LINGO3: variants seen among roughly 807,000 people sequenced by gnomAD.
The protein encoded by LINGO3 is leucine-rich repeat and immunoglobulin-like domain-containing nogo receptor-interacting protein 3.
For synonymous variants in LINGO3, 427 were observed against 444.2 expected (o/e 0.96, Z 0.49); for missense variants, 750 against 867.7 (o/e 0.86, Z 1.70).
chr19:2,290,954 G>A lies in LINGO3; in HGVS notation c.823C>T (p.Leu275Phe). ...CTGATGGGGTTGTGCGACAGATTGAGGCAGGTGAGGTGCGCCTGGTGCCGC... is the reference window on the plus strand; with the variant it reads ...CTGATGGGGTTGTGCGACAGATTGAAGCAGGTGAGGTGCGCCTGGTGCCGC... The change falls in exon 1 of 1, where the codon CTC becomes TTC. Residue 275 changes from leucine (L) to phenylalanine (F), a missense_variant. By Grantham distance (22) the Leu-to-Phe change is conservative. Coordinates refer to ENST00000585527, the Ensembl canonical transcript of LINGO3. The surrounding 1 kb of genome is among the most constrained non-coding windows in gnomAD (Gnocchi z 6.0). The A allele has an allele frequency of 6.2e-7, 1 of 1,611,892 alleles. No homozygotes were observed. The highest frequency in any genetic ancestry group is 8.5e-7 in the Non-Finnish European group (1 of 1,179,516).
chr19:2,298,920 G>A, the LINGO3 span, among the ~76,000 whole-genome samples: 1 of 152,164 alleles, frequency 6.6e-6, no homozygotes, highest in East Asian at 1.9e-4. Flanking sequence ...TGACAGGTCT[G>A]GAATCGCTAG....
At chr19:2,307,778 G>T in the LINGO3 span, among the ~76,000 whole-genome samples, 2 of 152,016 alleles carry the variant, frequency 1.3e-5, no homozygotes, top group African/African-American at 4.8e-5. Flanking sequence ...GGAGAGGAGC[G>T]CATCCTCCCA....
chr19:2,294,758 C>A (rs1386046384), upstream of LINGO3, among the ~76,000 whole-genome samples: 1 of 152,016 alleles, frequency 6.6e-6, no homozygotes, highest in Non-Finnish European at 1.5e-5. This position sits in a 1 kb window ranked among gnomAD's most constrained non-coding sequence, Gnocchi z 4.3. Flanking sequence ...GCCTGCTGCA[C>A]CCTTACCAGC....
chr19:2,307,978 C>T, the LINGO3 span, among the ~76,000 whole-genome samples: 3 of 151,590 alleles, frequency 2.0e-5, no homozygotes, highest in South Asian at 2.1e-4. Context: ...GATGGGGTCG[C>T]GGGTTGGGGG....
chr19:2,303,806 A>AGCATGGGGAGGCTGAACTGGACACCAGGT, the LINGO3 span, among the ~76,000 whole-genome samples: 9 of 152,168 alleles, frequency 5.9e-5, no homozygotes, highest in African/African-American at 2.2e-4. Flanking sequence ...CCAATGATGG[A>AGCATGGGGAGGCTGAACTGGACACCAGGT]GCATGGGGAG....
the LINGO3 span, among the ~76,000 whole-genome samples, chr19:2,299,042 T>C: frequency 6.6e-6 from 1 of 152,182 alleles, no homozygotes; most frequent in Non-Finnish European, 1.5e-5. Context: ...CCTGTCACGG[T>C]ATAGGTACAA....
chr19:2,306,403 A>C, the LINGO3 span, among the ~76,000 whole-genome samples: 2 of 152,156 alleles, frequency 1.3e-5, no homozygotes, highest in Admixed American at 1.3e-4. Flanking sequence ...AGAGTTCTTC[A>C]AGAGGCTCTA....
At chr19:2,293,079 T>TTC (rs933007215), upstream of LINGO3, among the ~76,000 whole-genome samples, 17 of 151,578 alleles carry the variant, frequency 1.1e-4, no homozygotes, top group African/African-American at 4.1e-4. Flanking sequence ...CTTTCTTTCT[T>TTC]TTTGAGACGG....
At chr19:2,300,011 CAT>C in the LINGO3 span, among the ~76,000 whole-genome samples, 2 of 145,272 alleles carry the variant, frequency 1.4e-5, no homozygotes, top group Admixed American at 7.0e-5. Context: ...GGGTGAACCA[CAT>C]GCCTGGCCTC....
the LINGO3 span, among the ~76,000 whole-genome samples, chr19:2,297,433 G>T: frequency 3.3e-5 from 5 of 150,646 alleles, no homozygotes; most frequent in Non-Finnish European, 4.4e-5. Flanking sequence ...GCCTCCCGAG[G>T]AGCTGGGACT....
chr19:2,298,777 G>GATCCGCCCACCTCGGC, the LINGO3 span, among the ~76,000 whole-genome samples: 1 of 152,072 alleles, frequency 6.6e-6, no homozygotes, highest in Non-Finnish European at 1.5e-5. Flanking sequence ...CTGACCTCGT[G>GATCCGCCCACCTCGGC]ATCCGCCCAC....
chr19:2,290,517 G>A lies in LINGO3; in HGVS notation c.1260C>T (p.Thr420=), dbSNP rs1336814965. 2.0e-6 allele frequency: 3 copies of A among 1,508,040 alleles called. No individual in the cohort carries two copies. The Admixed American group carries it at 6.2e-5, about 31-fold the overall frequency. The allele number at this position is 1,508,040 out of a possible 1,614,324, so 93.4% of individuals were successfully genotyped here. A position where few individuals can be genotyped will look rare whatever the true frequency, so the allele number is the denominator to read the frequency against. ...AGAGGAAGCGGACGTCTTCGCCCGC[G>A]GTGGCCGTGACGCGCTGCAGCCGCC... The change falls in exon 1 of 1, where the codon ACC becomes ACT. Residue 420 remains threonine, a synonymous_variant. Coordinates refer to ENST00000585527, the Ensembl canonical transcript of LINGO3. This position sits in a 1 kb window ranked among gnomAD's most constrained non-coding sequence, Gnocchi z 6.0.
chr19:2,287,936 T>C (rs1415329216), downstream of LINGO3, among the ~76,000 whole-genome samples: 3 of 152,138 alleles, frequency 2.0e-5, no homozygotes, highest in Non-Finnish European at 2.9e-5. The surrounding 1 kb of genome is among the most constrained non-coding windows in gnomAD (Gnocchi z 4.5). Context: ...GGCCCAACAG[T>C]GGTTCCTGTC....
chr19:2,303,503 G>T, the LINGO3 span, among the ~76,000 whole-genome samples: 1 of 152,076 alleles, frequency 6.6e-6, no homozygotes, highest in East Asian at 1.9e-4. Flanking sequence ...CTGCGCTTGC[G>T]GGGGTGGGAG....
chr19:2,303,321 A>G, the LINGO3 span, among the ~76,000 whole-genome samples: 1 of 150,742 alleles, frequency 6.6e-6, no homozygotes, highest in African/African-American at 2.4e-5. Context: ...GATTGTCTGA[A>G]AAAAGCGCTG....
chr19:2,302,064 T>G, the LINGO3 span, among the ~76,000 whole-genome samples: 2 of 138,088 alleles, frequency 1.4e-5, no homozygotes, highest in East Asian at 2.1e-4. Context: ...TGGGTAGTTT[T>G]TTTTTTTTTT....
rs935289092 is a variant in LINGO3 at position 2,290,929 on chromosome 19, C to G, written c.848G>C (p.Ser283Thr). ...CCGGAACGACCCCCGCGGCACCGTG[C>G]TGATGGGGTTGTGCGACAGATTGAG... The change falls in exon 1 of 1, where the codon AGC (serine) becomes ACC (threonine). Residue 283 changes from serine (S) to threonine (T), a missense_variant. Coordinates refer to ENST00000585527, the Ensembl canonical transcript of LINGO3. This position sits in a 1 kb window ranked among gnomAD's most constrained non-coding sequence, Gnocchi z 6.0. 6.2e-7 allele frequency: 1 copy of G among 1,611,924 alleles called. No individual in the cohort carries two copies. Among genetic ancestry groups the G allele is most frequent in the Non-Finnish European group, 8.5e-7 (1 of 1,179,506 alleles).
upstream of LINGO3, among the ~76,000 whole-genome samples, chr19:2,294,539 G>C (rs1379870719): frequency 6.6e-6 from 1 of 152,148 alleles, no homozygotes; most frequent in South Asian, 2.1e-4. The surrounding 1 kb of genome is among the most constrained non-coding windows in gnomAD (Gnocchi z 4.3). Context: ...TGTGTGGGCT[G>C]GGGGAACAGC....
At chr19:2,291,189 A>T in exon 1 of LINGO3, 1 of 1,608,908 alleles carries the variant, frequency 6.2e-7, no homozygotes, top group Non-Finnish European at 8.5e-7. Context: ...GGCTGCGCAG[A>T]TGGCCCAGCG....
Sources: gnomAD v4.1 joint callset for allele counts (sites outside exome capture counted in the v4.1 genomes callset) on GRCh38, gnomAD v4.1.1 for gene constraint, Gnocchi (gnomAD v3.1) non-coding constraint, MANE v1.5 for transcripts, NCBI Gene and HGNC (gene_info 2026-07-23, HGNC 2026-07-21) for gene names.